Variants in PTPRT observed in about 807,000 individuals in gnomAD.
PTPRT encodes protein tyrosine phosphatase receptor type T.
PTPRT carries 56 observed loss-of-function variants against 176.8 expected under a neutral mutation model. The ratio of observed to expected loss-of-function variants is 0.32; its 90% CI spans 0.26 to 0.40. The LOEUF (loss-of-function observed/expected upper bound fraction) is 0.40, where lower values mean the gene tolerates loss of function less well. PTPRT is among the 10% of genes least tolerant of loss of function. The pLI is 1.00. For synonymous variants in PTPRT, 783 were observed against 739.0 expected (o/e 1.06, Z -0.96); for missense variants, 1,540 against 1,908.2 (o/e 0.81, Z 3.60).
At chr20:42,918,920 C>T (rs1166333100) in intron 1 of PTPRT, among the ~76,000 whole-genome samples, 1 of 152,174 alleles carries the variant, frequency 6.6e-6, no homozygotes, top group African/African-American at 2.4e-5. Context: ...TTCCACTCCT[C>T]AACACCAGAA....
the PTPRT span, among the ~76,000 whole-genome samples, chr20:42,054,227 G>A: frequency 6.6e-6 from 1 of 152,180 alleles, no homozygotes; most frequent in African/African-American, 2.4e-5. Flanking sequence ...GGAGTCCAGA[G>A]TATCTTCTCA....
At chr20:42,748,361 C>G (rs1163651109) in intron 6 of PTPRT, among the ~76,000 whole-genome samples, 1 of 152,172 alleles carries the variant, frequency 6.6e-6, no homozygotes, top group East Asian at 1.9e-4. Context: ...CCTCCAGCTC[C>G]TCTTTACTTC....
At chr20:42,348,985 C>A (rs73906914) in intron 11 of PTPRT, among the ~76,000 whole-genome samples, 1,979 of 152,304 alleles carry the variant, frequency 0.013, 32 homozygotes, top group African/African-American at 0.044. Context: ...GTAAAGACTT[C>A]TCTGACTTAG....
intron 1 of PTPRT, among the ~76,000 whole-genome samples, chr20:42,920,878 G>A (rs930477006): frequency 1.3e-5 from 2 of 152,172 alleles, no homozygotes; most frequent in African/African-American, 4.8e-5. Flanking sequence ...GGATTTAAGA[G>A]TGCTTGTGTT....
At chr20:43,020,237 ATATT>A (rs913043342) in intron 1 of PTPRT, among the ~76,000 whole-genome samples, 5 of 147,636 alleles carry the variant, frequency 3.4e-5, no homozygotes, top group African/African-American at 1.2e-4. Context: ...ATATATATAT[ATATT>A]TATGTTATAT....
intron 1 of PTPRT, among the ~76,000 whole-genome samples, chr20:42,965,040 A>T (rs533300): frequency 0.026 from 3,952 of 152,310 alleles, 173 homozygotes; most frequent in African/African-American, 0.088. Context: ...TAATTTATAA[A>T]CAAGTTCAGT....
At chr20:43,064,920 A>T (rs1316775779) in intron 1 of PTPRT, among the ~76,000 whole-genome samples, 1 of 152,220 alleles carries the variant, frequency 6.6e-6, no homozygotes, top group Non-Finnish European at 1.5e-5. Flanking sequence ...TCTGGATGCT[A>T]GCTTATATTA....
chr20:42,342,440 C>T (rs1165896463), intron 11 of PTPRT, among the ~76,000 whole-genome samples: 1 of 152,184 alleles, frequency 6.6e-6, no homozygotes, highest in Non-Finnish European at 1.5e-5. Flanking sequence ...ACCCCCAATA[C>T]ACCAAAGTGG....
chr20:42,366,439 A>T (rs2058515595), intron 9 of PTPRT, among the ~76,000 whole-genome samples: 1 of 151,706 alleles, frequency 6.6e-6, no homozygotes. Flanking sequence ...TTCGCTTCCC[A>T]TCTCGTGGCT....
chr20:42,546,501 GAGAA>G (rs1260806468), intron 7 of PTPRT, among the ~76,000 whole-genome samples: 1 of 151,708 alleles, frequency 6.6e-6, no homozygotes, highest in African/African-American at 2.4e-5. Context: ...AAGAAAGAAA[GAGAA>G]AGAAATACGG....
chr20:42,535,700 T>C (rs1490391376), intron 7 of PTPRT, among the ~76,000 whole-genome samples: 1 of 152,160 alleles, frequency 6.6e-6, no homozygotes, highest in African/African-American at 2.4e-5. Context: ...GAATGGTTGA[T>C]GGGACCAAGT....
chr20:42,732,677 A>G (rs954465646), intron 6 of PTPRT, among the ~76,000 whole-genome samples: 1 of 152,178 alleles, frequency 6.6e-6, no homozygotes, highest in African/African-American at 2.4e-5. Flanking sequence ...TCTTGTTGCA[A>G]GTTTCTTGCT....
intron 9 of PTPRT, among the ~76,000 whole-genome samples, chr20:42,400,113 G>A (rs1047709223): frequency 1.3e-5 from 2 of 152,050 alleles, no homozygotes; most frequent in African/African-American, 4.8e-5. Context: ...AACCCAACTC[G>A]GAGCCATGGG....
chr20:42,790,407 T>G (rs905213887), intron 3 of PTPRT, among the ~76,000 whole-genome samples: 1 of 133,046 alleles, frequency 7.5e-6, no homozygotes, highest in African/African-American at 2.7e-5. Context: ...TTGCCATGAT[T>G]TTTTTTTTTT....
At chr20:42,426,523 C>G (rs1019336245) in intron 9 of PTPRT, among the ~76,000 whole-genome samples, 2 of 152,194 alleles carry the variant, frequency 1.3e-5, no homozygotes, top group African/African-American at 4.8e-5. Context: ...CTGATTCTTC[C>G]TGGACACTGG....
chr20:42,767,234 T>C (rs2076995256), intron 5 of PTPRT, among the ~76,000 whole-genome samples: 1 of 152,120 alleles, frequency 6.6e-6, no homozygotes, highest in Non-Finnish European at 1.5e-5. Context: ...TATGTCTGGG[T>C]GTGTCTGTGA....
At chr20:42,454,054 T>C (rs565342666) in intron 8 of PTPRT, among the ~76,000 whole-genome samples, 3 of 152,206 alleles carry the variant, frequency 2.0e-5, no homozygotes, top group South Asian at 2.1e-4. Context: ...AATATATACA[T>C]ATATCCCAAG....
chr20:43,122,121 C>T (rs560999660), intron 1 of PTPRT, among the ~76,000 whole-genome samples: 4 of 152,258 alleles, frequency 2.6e-5, no homozygotes, highest in Non-Finnish European at 4.4e-5. Context: ...AGTAGGGCTG[C>T]GGTTAGGCCT....
intron 16 of PTPRT, among the ~76,000 whole-genome samples, chr20:42,162,932 C>A (rs527988329): frequency 9.9e-5 from 15 of 152,198 alleles, no homozygotes; most frequent in Admixed American, 9.2e-4. Flanking sequence ...AACACCTGAC[C>A]TTCCTGCTTT....
Sources: gnomAD v4.1 joint callset for allele counts (sites outside exome capture counted in the v4.1 genomes callset) on GRCh38, gnomAD v4.1.1 for gene constraint, MANE v1.5 for transcripts, NCBI Gene and HGNC (gene_info 2026-07-23, HGNC 2026-07-21) for gene names.